The following HSPA4L variants were observed in gnomAD, a reference collection of about 807,000 sequenced individuals.
HSPA4L encodes heat shock 70 kDa protein 4L.
Under a neutral mutation model 100.3 loss-of-function variants are expected in HSPA4L, and 48 were observed. The observed-to-expected ratio is 0.48, with a 90% confidence interval of 0.38 to 0.61. The LOEUF (loss-of-function observed/expected upper bound fraction) is 0.61, where lower values mean the gene tolerates loss of function less well. Among genes scored for constraint, HSPA4L ranks in the 20% least tolerant of loss-of-function variants. The probability of loss-of-function intolerance (pLI) is 0.00; values close to 1 mark genes in which losing one functional copy is unlikely to be tolerated. For synonymous variants in HSPA4L, 319 were observed against 328.2 expected (o/e 0.97, Z 0.30); for missense variants, 886 against 988.6 (o/e 0.90, Z 1.39).
In HSPA4L at chr4:127,803,806, G is replaced by C; in HGVS notation, c.841G>C (p.Ala281Pro). ...EKLKKLMSAN[A>P]SDLPLNIECF... ...ACTAAAGAAGCTAATGAGTGCAAATGCATCAGATCTTCCATTGAACATTGA... is the reference window on the plus strand; with the variant it reads ...ACTAAAGAAGCTAATGAGTGCAAATCCATCAGATCTTCCATTGAACATTGA... The change falls in exon 7 of 19, where the codon GCA (alanine) becomes CCA (proline). Residue 281 changes from alanine (A) to proline (P), a missense_variant. Coordinates refer to ENST00000296464, the MANE Select transcript of HSPA4L (RefSeq NM_014278.4). The C allele has an allele frequency of 6.2e-7, 1 of 1,613,786 alleles. No individual in the cohort carries two copies. The highest frequency in any genetic ancestry group is 8.5e-7 in the Non-Finnish European group (1 of 1,179,794).
intron 5 of HSPA4L, 129 bp downstream of exon 5, chr4:127,801,366 CT>C: frequency 3.1e-6 from 2 of 652,222 alleles, no homozygotes; most frequent in Non-Finnish European, 5.1e-6. Context: ...GAGTTGAAAG[CT>C]GCAGTGAGCT....
intron 12 of HSPA4L, among the ~76,000 whole-genome samples, chr4:127,813,991 A>G (rs1247160438): frequency 6.6e-6 from 1 of 152,000 alleles, no homozygotes; most frequent in Non-Finnish European, 1.5e-5. Flanking sequence ...AATTTTCTTT[A>G]TATAATATTA....
In HSPA4L at chr4:127,837,473, C is replaced by A. The variant is rs1232141942; in HGVS notation, c.*4599C>A. 1.3e-5 allele frequency: 2 copies of A among 152,118 alleles called. No individual in the cohort carries two copies. The highest frequency in any genetic ancestry group is 2.9e-5 in the Non-Finnish European group (2 of 68,034). The allele number at this position is 152,118 out of a possible 1,614,324, so 9.4% of individuals were successfully genotyped here. A position where few individuals can be genotyped will look rare whatever the true frequency, so the allele number is the denominator to read the frequency against. ...AGGGATATGCTTATAAAGCTTAATT[C>A]TGATATTATCCTCTTACTACCTACA... On this transcript the variant is annotated 3_prime_UTR_variant, in exon 19 of 19. Transcript: ENST00000296464.
intron 4 of HSPA4L, among the ~76,000 whole-genome samples, chr4:127,799,846 A>G (rs1733126224): frequency 6.6e-6 from 1 of 152,212 alleles, no homozygotes; most frequent in Non-Finnish European, 1.5e-5. Context: ...TAAGTGCTCA[A>G]TGAATATTAA....
intron 12 of HSPA4L, among the ~76,000 whole-genome samples, chr4:127,818,091 A>G (rs1560666548): frequency 1.3e-5 from 2 of 151,994 alleles, no homozygotes; most frequent in Non-Finnish European, 2.9e-5. Flanking sequence ...GTATTTTGCA[A>G]TTACTTAGCC....
chr4:127,797,748 C>T (rs562810309), intron 3 of HSPA4L, among the ~76,000 whole-genome samples: 1 of 152,034 alleles, frequency 6.6e-6, no homozygotes, highest in East Asian at 1.9e-4. Flanking sequence ...ATTACAGGCA[C>T]CTGCCACCAC....
rs768100877 is a variant in HSPA4L at position 127,783,635 on chromosome 4, A to C, written c.107+978A>C. 11 of 1,535,328 alleles carry C rather than the reference A, an allele frequency of 7.2e-6. No individual in the cohort carries two copies. The South Asian group carries it at 1.1e-4, about 15-fold the overall frequency. ...ATAGGCTGCTGTTACTGGTAATTTT[A>C]TGAGGAAACCAACTGTATGAAACCT... On this transcript the variant is annotated intron_variant, in intron 1 of 18. Coordinates refer to ENST00000296464, the MANE Select transcript of HSPA4L (RefSeq NM_014278.4).
chr4:127,798,062 A>T (rs894594996), intron 3 of HSPA4L, among the ~76,000 whole-genome samples: 1 of 152,154 alleles, frequency 6.6e-6, no homozygotes, highest in Non-Finnish European at 1.5e-5. Context: ...ACAAATGCTT[A>T]TCAATTTTAG....
At chr4:127,825,088 T>A (rs1300200844) in intron 16 of HSPA4L, among the ~76,000 whole-genome samples, 1 of 150,780 alleles carries the variant, frequency 6.6e-6, no homozygotes, top group Admixed American at 6.6e-5. Flanking sequence ...TGCAGTGAGC[T>A]GAGATTGCGC....
intron 3 of HSPA4L, among the ~76,000 whole-genome samples, chr4:127,796,799 G>A (rs1246147152): frequency 6.6e-6 from 1 of 152,128 alleles, no homozygotes; most frequent in Non-Finnish European, 1.5e-5. Context: ...ATTAGTGGTT[G>A]CTAAGGGTTA....
intron 1 of HSPA4L, among the ~76,000 whole-genome samples, chr4:127,788,227 C>T (rs1037568633): frequency 1.3e-5 from 2 of 151,926 alleles, no homozygotes; most frequent in Admixed American, 6.6e-5. Flanking sequence ...TTTATGATTA[C>T]CTTTACTAAG....
At chr4:127,804,662 A>G (rs993084160) in intron 8 of HSPA4L, among the ~76,000 whole-genome samples, 2 of 151,154 alleles carry the variant, frequency 1.3e-5, no homozygotes, top group African/African-American at 2.4e-5. Context: ...TGCTAGTTCT[A>G]TTTGGAAGTG....
intron 2 of HSPA4L, 119 bp downstream of exon 2, chr4:127,794,253 C>T (rs546555668): frequency 9.7e-6 from 6 of 618,564 alleles, no homozygotes; most frequent in Non-Finnish European, 2.7e-6. Flanking sequence ...AGGACAGGTA[C>T]TACATCTTTG....
Position 127,827,318 on chromosome 4 carries a change from C to G in HSPA4L, c.2060C>G (p.Pro687Arg). ...TTATGTTAACAGAAATACGGCCAGC[C>G]TATTCAAATGAAGTACATGGAGCAT... ...KLQELKKYGQ[P>R]IQMKYMEHEE... Residue 687 changes from proline (P) to arginine (R), a missense_variant, in exon 17 of 19, where the codon CCT becomes CGT. Pro to Arg is a moderately radical substitution (Grantham distance 103). Coordinates refer to ENST00000296464, the MANE Select transcript of HSPA4L (RefSeq NM_014278.4). 1 of 1,610,294 alleles carries G rather than the reference C, an allele frequency of 6.2e-7. No individual in the cohort carries two copies. The highest frequency in any genetic ancestry group is 8.5e-7 in the Non-Finnish European group (1 of 1,178,436).
chr4:127,813,321 ATCTT>A, intron 12 of HSPA4L: 1 of 641,280 alleles, frequency 1.6e-6, no homozygotes, highest in Non-Finnish European at 2.7e-6. Context: ...ATTACTATGC[ATCTT>A]TCTTCCAAAT....
Position 127,832,880 on chromosome 4 carries a change from A to AATT in HSPA4L, c.*7_*9dup. 6.3e-7 allele frequency: 1 copy of AATT among 1,587,028 alleles called. No individual in the cohort carries two copies. Among genetic ancestry groups the AATT allele is most frequent in the Non-Finnish European group, 8.6e-7 (1 of 1,166,614 alleles). ...GAGAGATGGAAGTGGACTAAGTCTT[A>AATT]ATTTTACCTTCACATTAATTCAAAC... On this transcript the variant is annotated 3_prime_UTR_variant, in exon 19 of 19. Transcript: ENST00000296464.
intron 10 of HSPA4L, among the ~76,000 whole-genome samples, chr4:127,807,068 T>C (rs1037645801): frequency 2.6e-5 from 4 of 151,932 alleles, no homozygotes; most frequent in Non-Finnish European, 5.9e-5. Flanking sequence ...GGGAGCTAAA[T>C]TGAAAAGTAA....
In HSPA4L at chr4:127,838,506, AAATT is replaced by A. The variant is rs937310873; in HGVS notation, c.*5636_*5639del. On this transcript the variant is annotated 3_prime_UTR_variant, in exon 19 of 19. Transcript: ENST00000296464. ...GGCAAGTACAAATCCATAACAAAAA[AAATT>A]AATAGTATGCTCTTTGCTTTGGAAT... The A allele has an allele frequency of 3.6e-4, 55 of 152,350 alleles. No individual in the cohort carries two copies. Among genetic ancestry groups the A allele is most frequent in the African/African-American group, 1.3e-3 (54 of 41,590 alleles). 9.4% of individuals were successfully genotyped at this position (152,350 alleles called of 1,614,324 possible).
Position 127,839,783 on chromosome 4 carries a change from G to A in HSPA4L, c.*6909G>A, listed in dbSNP as rs1410937223. On this transcript the variant is annotated 3_prime_UTR_variant, in exon 19 of 19. Transcript: ENST00000296464. ...TTTTTTCCCTGAAATAAACTTTTAT[G>A]ATTTAATGTCTTGGAAAAAGACTCA... 1.3e-5 allele frequency: 2 copies of A among 151,964 alleles called. No individual in the cohort carries two copies. The highest frequency in any genetic ancestry group is 4.8e-5 in the African/African-American group (2 of 41,380). The allele number at this position is 151,964 out of a possible 1,614,324, so 9.4% of individuals were successfully genotyped here.
Sources: gnomAD v4.1 joint callset for allele counts (sites outside exome capture counted in the v4.1 genomes callset) on GRCh38, gnomAD v4.1.1 for gene constraint, MANE v1.5 for transcripts, NCBI Gene and HGNC (gene_info 2026-07-23, HGNC 2026-07-21) for gene names.